The following AUTS2 variants were observed in gnomAD, a reference collection of about 807,000 sequenced individuals.
AUTS2 encodes activator of transcription and developmental regulator AUTS2, also known as autism susceptibility gene 2 protein.
A neutral mutation model predicts 112.4 loss-of-function variants in AUTS2; 17 were observed. That is an observed-to-expected ratio of 0.15 (90% CI 0.10 to 0.23). The LOEUF is 0.23. Among genes scored for constraint, AUTS2 ranks in the 10% least tolerant of loss-of-function variants. The pLI, the probability that AUTS2 is intolerant of heterozygous loss-of-function variation, is 1.00. For missense variants in AUTS2, 1,510 were observed against 1,701.6 expected, an observed-to-expected ratio of 0.89 and a Z score of 1.98; for synonymous variants, 751 against 702.7, an observed-to-expected ratio of 1.07 and a Z score of -1.09.
intron 2 of AUTS2, among the ~76,000 whole-genome samples, chr7:69,953,429 G>C (rs144798275): frequency 6.6e-6 from 1 of 152,118 alleles, no homozygotes; most frequent in Non-Finnish European, 1.5e-5. Flanking sequence ...GGCAGCTGCT[G>C]TATTAAGCCC....
At chr7:69,768,192 G>A (rs1444048365) in intron 1 of AUTS2, among the ~76,000 whole-genome samples, 1 of 152,144 alleles carries the variant, frequency 6.6e-6, no homozygotes, top group Non-Finnish European at 1.5e-5. Context: ...ACCATGGCCC[G>A]AAATAGCCGT....
intron 4 of AUTS2, among the ~76,000 whole-genome samples, chr7:70,312,155 C>T (rs1003079615): frequency 3.3e-5 from 5 of 152,114 alleles, no homozygotes; most frequent in East Asian, 1.9e-4. Flanking sequence ...CACCACACCC[C>T]GCTGGGAAAT....
intron 2 of AUTS2, among the ~76,000 whole-genome samples, chr7:70,086,584 T>A (rs988841366): frequency 7.0e-6 from 1 of 142,596 alleles, no homozygotes; most frequent in South Asian, 2.2e-4. Context: ...ATGGTTGCAG[T>A]GAGCTGAGAT....
chr7:70,519,229 T>A (rs190496423), intron 5 of AUTS2, among the ~76,000 whole-genome samples: 1 of 152,178 alleles, frequency 6.6e-6, no homozygotes, highest in Admixed American at 6.5e-5. Context: ...GACATGGCCA[T>A]GGAAAATCAA....
chr7:69,674,398 T>G (rs1335287577), intron 1 of AUTS2, among the ~76,000 whole-genome samples: 1 of 152,124 alleles, frequency 6.6e-6, no homozygotes, highest in African/African-American at 2.4e-5. Context: ...GTCTGACTCT[T>G]GAGCTGTGGG....
intron 5 of AUTS2, among the ~76,000 whole-genome samples, chr7:70,572,839 G>A (rs1298957771): frequency 6.6e-6 from 1 of 152,180 alleles, no homozygotes; most frequent in Non-Finnish European, 1.5e-5. Context: ...GCTCTCAAGG[G>A]AGATTAATAT....
chr7:70,787,099 G>T, intron 17 of AUTS2, 110 bp from the exon 18 acceptor site: 1 of 941,360 alleles, frequency 1.1e-6, no homozygotes, highest in Non-Finnish European at 1.7e-6. Flanking sequence ...CCAATAATAT[G>T]TATTCATTTT....
At chr7:69,710,818 T>C (rs965669153) in intron 1 of AUTS2, among the ~76,000 whole-genome samples, 2 of 152,178 alleles carry the variant, frequency 1.3e-5, no homozygotes, top group African/African-American at 2.4e-5. Context: ...TGCAGGTACA[T>C]GTGGTTAATG....
At chr7:70,671,272 C>T (rs1807626463) in intron 5 of AUTS2, among the ~76,000 whole-genome samples, 1 of 152,218 alleles carries the variant, frequency 6.6e-6, no homozygotes, top group African/African-American at 2.4e-5. Flanking sequence ...CGCTGCCTCC[C>T]CAGCTGGGTA....
At chr7:70,750,857 C>A (rs571541919) in intron 6 of AUTS2, among the ~76,000 whole-genome samples, 8 of 152,290 alleles carry the variant, frequency 5.3e-5, no homozygotes, top group African/African-American at 1.9e-4. Flanking sequence ...GTATGTAAGT[C>A]GGTCTTTGCT....
intron 4 of AUTS2, among the ~76,000 whole-genome samples, chr7:70,281,009 T>A (rs1016043251): frequency 3.3e-5 from 5 of 152,204 alleles, no homozygotes; most frequent in Admixed American, 1.3e-4. Context: ...TCCACGTTCT[T>A]ATTTTTTTTA....
chr7:70,229,732 G>C (rs751402802), intron 4 of AUTS2, among the ~76,000 whole-genome samples: 2 of 151,822 alleles, frequency 1.3e-5, no homozygotes, highest in Non-Finnish European at 2.9e-5. Context: ...CTACAGGTCT[G>C]TTATGTTCTG....
intron 2 of AUTS2, among the ~76,000 whole-genome samples, chr7:69,921,906 A>C (rs888848385): frequency 6.6e-6 from 1 of 151,902 alleles, no homozygotes; most frequent in Non-Finnish European, 1.5e-5. Flanking sequence ...TCTCTACTAA[A>C]AATACAAAAT....
rs76598905 is a variant in AUTS2 at position 70,689,826 on chromosome 7, A to C, written c.691-8743A>C. On this transcript the variant is annotated intron_variant, in intron 5 of 18. Coordinates refer to ENST00000342771, the MANE Select transcript of AUTS2 (RefSeq NM_015570.4). ...TGTCGTTCCCTAGTAGAGATGGTACAAACCACTGTACCCACTTTATGGGAC... is the reference window on the plus strand; with the variant it reads ...TGTCGTTCCCTAGTAGAGATGGTACCAACCACTGTACCCACTTTATGGGAC... 7.8e-4 allele frequency among the ~76,000 whole-genome samples: 119 copies of C among 152,156 alleles called. 1 individual carries two copies. In the East Asian group the frequency reaches 0.021, roughly 26 times the overall value.
At chr7:70,583,754 G>C (rs2129527497) in intron 5 of AUTS2, among the ~76,000 whole-genome samples, 1 of 152,288 alleles carries the variant, frequency 6.6e-6, no homozygotes, top group East Asian at 1.9e-4. Flanking sequence ...TGTCCTTCTG[G>C]GCGAGCCTTT....
At chr7:69,870,802 C>T (rs759929359) in intron 1 of AUTS2, among the ~76,000 whole-genome samples, 1 of 152,044 alleles carries the variant, frequency 6.6e-6, no homozygotes, top group Non-Finnish European at 1.5e-5. Context: ...GGGGATCTCT[C>T]TCAACTTTTT....
intron 5 of AUTS2, among the ~76,000 whole-genome samples, chr7:70,538,819 A>T (rs1202919889): frequency 6.6e-6 from 1 of 152,226 alleles, no homozygotes; most frequent in African/African-American, 2.4e-5. Flanking sequence ...AGAACATGTC[A>T]TAGATATGTT....
intron 1 of AUTS2, among the ~76,000 whole-genome samples, chr7:69,657,279 C>T (rs1336650350): frequency 6.6e-6 from 1 of 152,182 alleles, no homozygotes; most frequent in Non-Finnish European, 1.5e-5. Context: ...CTCTAATAAA[C>T]CTGATTTGAT....
At chr7:69,981,463 T>C (rs1397410909) in intron 2 of AUTS2, among the ~76,000 whole-genome samples, 1 of 152,214 alleles carries the variant, frequency 6.6e-6, no homozygotes, top group Non-Finnish European at 1.5e-5. Context: ...TTTTATTCAA[T>C]ATTTCAAATT....
Sources: gnomAD v4.1 joint callset for allele counts (sites outside exome capture counted in the v4.1 genomes callset) on GRCh38, gnomAD v4.1.1 for gene constraint, MANE v1.5 for transcripts, NCBI Gene and HGNC (gene_info 2026-07-23, HGNC 2026-07-21) for gene names.